MELTF: variants seen among roughly 807,000 people sequenced by gnomAD.
MELTF encodes melanotransferrin, also known as antigen p97 (melanoma associated) identified by monoclonal antibodies 133.2 and 96.5.
In MELTF, 67 loss-of-function variants were observed where a neutral mutation model predicts 83.7. The ratio of observed to expected loss-of-function variants is 0.80; its 90% CI spans 0.66 to 0.98. The LOEUF is 0.98. Ranked by LOEUF, MELTF falls within the 50% of genes least tolerant of loss-of-function variation. The pLI is 0.00. For synonymous variants in MELTF, 462 were observed against 447.6 expected, an observed-to-expected ratio of 1.03 and a Z score of -0.41; for missense variants, 1,002 against 1,035.6, an observed-to-expected ratio of 0.97 and a Z score of 0.44.
rs374373077 is a variant in MELTF, at chr3:197,022,710, T to C, written c.644+247A>G. On this transcript the variant is annotated intron_variant, in intron 5 of 15. Coordinates refer to ENST00000296350, the MANE Select transcript of MELTF (RefSeq NM_005929.6). This position sits in a 1 kb window ranked among gnomAD's most constrained non-coding sequence, Gnocchi z 5.1. ...GGCTGTTTTTTCCATTTTCTTCTCT[T>C]GGAGCCCTCACCTCACTAAATATAC... Among the ~76,000 whole-genome samples, 133 of 152,308 alleles carry C rather than the reference T, an allele frequency of 8.7e-4. No homozygotes were observed. Among genetic ancestry groups the C allele is most frequent in the African/African-American group, 3.1e-3 (127 of 41,566 alleles).
rs1560225767 is a variant in MELTF, at chr3:197,026,751, C to A, written c.213G>T (p.Glu71Asp). The A allele has an allele frequency of 6.2e-7, 1 of 1,612,094 alleles. No homozygotes were observed. The highest frequency in any genetic ancestry group is 8.5e-7 in the Non-Finnish European group (1 of 1,179,978). The change falls in exon 3 of 16, where the codon GAG becomes GAT. Residue 71 changes from glutamate (E) to aspartate (D), a missense_variant. Coordinates refer to ENST00000296350, the MANE Select transcript of MELTF (RefSeq NM_005929.6). ...CTCCATCCAGAGTGATGGCGTCAGC[C>A]TCCTGGGCCTGCAAGGAAATGTGGC... Reference protein sequence around the residue: ...DHCVQLIAAQEADAITLDGGA... With the variant: ...DHCVQLIAAQDADAITLDGGA...
intron 9 of MELTF, among the ~76,000 whole-genome samples, chr3:197,012,030 G>A (rs1405178767): frequency 1.3e-5 from 2 of 152,186 alleles, no homozygotes; most frequent in African/African-American, 4.8e-5. Flanking sequence ...CCCTCCCAAC[G>A]AGCCCTTTCC....
Position 197,016,372 on chromosome 3 carries a change from G to C in MELTF, c.901-3C>G. Reference sequence around the variant, plus strand: ...CTGCCCTCGTGGCTGAACAGACGCTGTGTGTCAAGGGGTGTGGTACAGGGT... The same window carrying C: ...CTGCCCTCGTGGCTGAACAGACGCTCTGTGTCAAGGGGTGTGGTACAGGGT... On this transcript the variant is annotated splice_region_variant and splice_polypyrimidine_tract_variant and intron_variant, in intron 7 of 15. Transcript: ENST00000296350. 2 of 1,579,490 alleles carry C rather than the reference G, an allele frequency of 1.3e-6. No individual in the cohort carries two copies. The highest frequency in any genetic ancestry group is 2.4e-5 in the South Asian group (2 of 84,610).
rs1718801221 is a variant in MELTF at position 197,002,978 on chromosome 3, G to A, written c.*394C>T. 6.6e-6 allele frequency: 1 copy of A among 150,722 alleles called. No homozygotes were observed. 9.3% of individuals were successfully genotyped at this position (150,722 alleles called of 1,614,324 possible). On this transcript the variant is annotated 3_prime_UTR_variant, in exon 16 of 16. Transcript: ENST00000296350. ...GCCTGGCCGCGGCCTGCGGGTGTAGGCGCCTCGGCGGCCACCGCGTCCCCA... is the reference window on the plus strand; with the variant it reads ...GCCTGGCCGCGGCCTGCGGGTGTAGACGCCTCGGCGGCCACCGCGTCCCCA...
At chr3:197,019,775 T>C in intron 6 of MELTF, 1 of 1,586,356 alleles carries the variant, frequency 6.3e-7, no homozygotes. Flanking sequence ...TCAGATCTGG[T>C]CCATGTTTGC....
chr3:197,025,500 C>T (rs1004367395), intron 3 of MELTF: 4 of 152,380 alleles, frequency 2.6e-5, no homozygotes, highest in African/African-American at 9.7e-5. Context: ...CTCTGTCCTG[C>T]CCTTCCCTTT....
In MELTF at chr3:197,024,528, T is replaced by C. The variant is rs200798879; in HGVS notation, c.305-43A>G. ...TGGGTGAGGGCAGCAGGGAGAGGCC[T>C]CGAGAGAGGCTGCACCAGCACCCTG... On this transcript the variant is annotated intron_variant, in intron 3 of 15. Coordinates refer to ENST00000296350, the MANE Select transcript of MELTF (RefSeq NM_005929.6). This position sits in a 1 kb window ranked among gnomAD's most constrained non-coding sequence, Gnocchi z 5.3. The C allele has an allele frequency of 2.0e-6, 3 of 1,518,440 alleles. No individual in the cohort carries two copies. In the South Asian group the frequency reaches 3.8e-5, roughly 19 times the overall value. The allele number at this position is 1,518,440 out of a possible 1,614,324, so 94.1% of individuals were successfully genotyped here. A position where few individuals can be genotyped will look rare whatever the true frequency, so the allele number is the denominator to read the frequency against.
rs1421144285 is a variant in MELTF at position 197,006,606 on chromosome 3, C to T, written c.1881G>A (p.Val627=). Residue 627 remains valine (V), a synonymous_variant, in exon 14 of 16, where the codon GTG becomes GTA. Transcript: ENST00000296350. The surrounding 1 kb of genome is among the most constrained non-coding windows in gnomAD (Gnocchi z 5.4). ...CNLAQIPPHA[V]MVRPDTNIFT... is the part of the protein sequence containing the mutation. Reference sequence around the variant, plus strand: ...AGATGTTGGTGTCGGGCCGGACCATCACGGCGTGGGGTGGTATCTGTGCCA... The same window carrying T: ...AGATGTTGGTGTCGGGCCGGACCATTACGGCGTGGGGTGGTATCTGTGCCA... The T allele has an allele frequency of 1.9e-6, 3 of 1,612,778 alleles. No individual in the cohort carries two copies. The highest frequency in any genetic ancestry group is 1.1e-5 in the South Asian group (1 of 91,012).
Position 197,017,693 on chromosome 3 carries a change from C to T in MELTF, c.713-403G>A, listed in dbSNP as rs537846860. On this transcript the variant is annotated intron_variant, in intron 6 of 15. Transcript: ENST00000296350. The stretch of plus-strand genomic sequence containing the variant: ...GAGATCAAGACCATCCTGGCTAACA[C>T]GGTGAAACCCCATCTCTACTAAAAA... 2.1e-3 allele frequency among the ~76,000 whole-genome samples: 316 copies of T among 152,070 alleles called. 1 individual carries two copies. Among genetic ancestry groups the T allele is most frequent in the Non-Finnish European group, 3.4e-3 (228 of 67,992 alleles).
intron 3 of MELTF, among the ~76,000 whole-genome samples, chr3:197,025,223 G>A (rs1719804830): frequency 6.6e-6 from 1 of 152,270 alleles, no homozygotes; most frequent in African/African-American, 2.4e-5. Context: ...ATGCACGCGT[G>A]CACAAACTGC....
At chr3:197,019,568 A>G (rs1336962182) in intron 6 of MELTF, 1 of 1,578,230 alleles carries the variant, frequency 6.3e-7, no homozygotes, top group African/African-American at 1.3e-5. Context: ...TGAGACCCCC[A>G]TCTCAAAAAA....
chr3:197,013,095 T>C (rs1443810912), intron 9 of MELTF, among the ~76,000 whole-genome samples: 1 of 152,220 alleles, frequency 6.6e-6, no homozygotes, highest in African/African-American at 2.4e-5. Flanking sequence ...AAACTTTGTA[T>C]GGAACCACAA....
rs1327025793 is a variant in MELTF, at chr3:197,016,315, C to T, written c.955G>A (p.Gly319Ser). The change falls in exon 8 of 16, where the codon GGC (glycine) becomes AGC (serine). Residue 319 changes from glycine (G) to serine (S), a missense_variant. Physicochemically the swap from Gly to Ser is moderately conservative, Grantham distance 56. Coordinates refer to ENST00000296350, the MANE Select transcript of MELTF (RefSeq NM_005929.6). ...SFQMFSSEAYGQKDLLFKDST... is the reference protein window; with the variant it reads ...SFQMFSSEAYSQKDLLFKDST... Reference sequence around the variant, plus strand: ...TCTTTGAAGAGTAGATCCTTCTGGCCATAGGCCTCAGAGCTGAACATCTGG... The same window carrying T: ...TCTTTGAAGAGTAGATCCTTCTGGCTATAGGCCTCAGAGCTGAACATCTGG... The T allele has an allele frequency of 3.1e-6, 5 of 1,611,830 alleles. No homozygotes were observed. The highest frequency in any genetic ancestry group is 3.4e-6 in the Non-Finnish European group (4 of 1,178,808).
rs561893078 is a variant in MELTF at position 197,003,738 on chromosome 3, C to A, written c.2137+163G>T. On this transcript the variant is annotated intron_variant, in intron 15 of 15. Coordinates refer to ENST00000296350, the MANE Select transcript of MELTF (RefSeq NM_005929.6). The surrounding 1 kb of genome is among the most constrained non-coding windows in gnomAD (Gnocchi z 6.2). ...CCGCCGGGCTCCCGCCCTCCCGGCC[C>A]GCAGCCTCCTGGCCAAAATCCTCCC... is the stretch of plus-strand genomic sequence containing the variant. The A allele has an allele frequency of 1.9e-5, 15 of 797,696 alleles. No homozygotes were observed. In the South Asian group the frequency reaches 2.5e-4, roughly 13 times the overall value. 49.4% of individuals were successfully genotyped at this position (797,696 alleles called of 1,614,324 possible).
In MELTF at chr3:197,008,129, C is replaced by T. The variant is rs1719044559; in HGVS notation, c.1750+528G>A. On this transcript the variant is annotated intron_variant, in intron 13 of 15. Transcript: ENST00000296350. The surrounding 1 kb of genome is among the most constrained non-coding windows in gnomAD (Gnocchi z 5.4). ...ACTGGGGTCCCGGAGCAGAGCGTTC[C>T]TGAGCTCTTTGTCCCAGGCGGAGCC... 6.6e-6 allele frequency among the ~76,000 whole-genome samples: 1 copy of T among 152,190 alleles called. No individual in the cohort carries two copies. Among genetic ancestry groups the T allele is most frequent in the South Asian group, 2.1e-4 (1 of 4,834 alleles).
chr3:197,002,377 T>C lies in MELTF; in HGVS notation c.*995A>G, dbSNP rs979991538. 3.3e-5 allele frequency: 5 copies of C among 152,186 alleles called. No homozygotes were observed. Among genetic ancestry groups the C allele is most frequent in the Non-Finnish European group, 5.9e-5 (4 of 68,070 alleles). 9.4% of individuals were successfully genotyped at this position (152,186 alleles called of 1,614,324 possible). Reference sequence around the variant, plus strand: ...CTTTTTCTGGCTTCTCAGACAACTGTGGCAAGATGGAGTAGAGAGAGGCCC... The same window carrying C: ...CTTTTTCTGGCTTCTCAGACAACTGCGGCAAGATGGAGTAGAGAGAGGCCC... On this transcript the variant is annotated 3_prime_UTR_variant, in exon 16 of 16. Coordinates refer to ENST00000296350, the MANE Select transcript of MELTF (RefSeq NM_005929.6).
chr3:197,021,043 A>G (rs1719603580), intron 6 of MELTF, among the ~76,000 whole-genome samples: 1 of 152,216 alleles, frequency 6.6e-6, no homozygotes, highest in South Asian at 2.1e-4. Flanking sequence ...AATGCCAGGA[A>G]GGGCTGGTAG....
intron 8 of MELTF, among the ~76,000 whole-genome samples, chr3:197,015,865 G>A (rs189055626): frequency 1.2e-4 from 18 of 152,300 alleles, no homozygotes; most frequent in Non-Finnish European, 2.2e-4. Flanking sequence ...GGGTAGAGGC[G>A]GGGAGTAGGA....
Position 197,009,051 on chromosome 3 carries a change from C to T in MELTF, c.1526-86G>A, listed in dbSNP as rs1719086557. On this transcript the variant is annotated intron_variant, in intron 11 of 15. Transcript: ENST00000296350. ...GGCGGGCCGCTCCCCCACAGGTCTG[C>T]CCACCCCCCGGATCCTACACTGCAA... 5 of 1,519,156 alleles carry T rather than the reference C, an allele frequency of 3.3e-6. 1 individual carries two copies. Among genetic ancestry groups the T allele is most frequent in the South Asian group, 2.4e-5 (2 of 82,178 alleles). 94.1% of individuals were successfully genotyped at this position (1,519,156 alleles called of 1,614,324 possible). A position where few individuals can be genotyped will look rare whatever the true frequency, so the allele number is the denominator to read the frequency against.
Sources: allele counts gnomAD v4.1 joint callset (sites outside exome capture counted in the v4.1 genomes callset), GRCh38; gene constraint gnomAD v4.1.1; non-coding constraint Gnocchi (gnomAD v3.1); transcripts MANE v1.5; gene names NCBI Gene and HGNC (gene_info 2026-07-23, HGNC 2026-07-21).